Variants in DLGAP1 observed in about 807,000 individuals in gnomAD.
DLGAP1 encodes the protein DLG associated protein 1.
Under a neutral mutation model 90.8 loss-of-function variants are expected in DLGAP1, and 11 were observed. That is an observed-to-expected ratio of 0.12 (90% CI 0.08 to 0.20). The LOEUF is 0.20. DLGAP1 is among the 10% of genes least tolerant of loss of function. The pLI is 1.00. For synonymous variants in DLGAP1, 558 were observed against 540.7 expected (o/e 1.03, Z -0.44); for missense variants, 1,050 against 1,333.8 (o/e 0.79, Z 3.31).
chr18:3,939,132 G>T (rs1046635055), intron 3 of DLGAP1, among the ~76,000 whole-genome samples: 1 of 150,958 alleles, frequency 6.6e-6, no homozygotes, highest in Non-Finnish European at 1.5e-5. Context: ...AAAAATGTGG[G>T]CCAGTGGCTT....
chr18:3,529,742 C>T (rs1362843422), intron 10 of DLGAP1, among the ~76,000 whole-genome samples: 5 of 152,096 alleles, frequency 3.3e-5, no homozygotes, highest in East Asian at 3.9e-4. Flanking sequence ...AGCACCAGGG[C>T]GATACCCAGT....
In DLGAP1 at chr18:4,256,489, G is replaced by T. The variant is rs114188004; in HGVS notation, c.-266-105202C>A. 2.6e-3 allele frequency among the ~76,000 whole-genome samples: 398 copies of T among 152,212 alleles called. 2 individuals carry two copies. Among genetic ancestry groups the T allele is most frequent in the African/African-American group, 9.3e-3 (387 of 41,534 alleles). ...TAAACAGAATTTCTTTTACTCCACT[G>T]TGTTTTGTAAAATTTACTCAGACTT... On this transcript the variant is annotated intron_variant, in intron 1 of 12. Transcript: ENST00000315677.
intron 1 of DLGAP1, among the ~76,000 whole-genome samples, chr18:4,333,351 C>A (rs2080992412): frequency 6.6e-6 from 1 of 151,830 alleles, no homozygotes; most frequent in African/African-American, 2.4e-5. Context: ...GTACTGGGTA[C>A]TAAAAGCATC....
intron 2 of DLGAP1, among the ~76,000 whole-genome samples, chr18:4,095,699 T>C (rs2075665536): frequency 6.6e-6 from 1 of 151,856 alleles, no homozygotes; most frequent in Non-Finnish European, 1.5e-5. Context: ...TCTGTGGAAT[T>C]TGACATCAAC....
chr18:3,652,853 A>T (rs903428954), intron 7 of DLGAP1, among the ~76,000 whole-genome samples: 50 of 152,302 alleles, frequency 3.3e-4, no homozygotes, highest in African/African-American at 1.2e-3. Context: ...ATCACTGGCA[A>T]AGACTTGCAT....
intron 1 of DLGAP1, among the ~76,000 whole-genome samples, chr18:4,279,259 G>A (rs1431330655): frequency 6.6e-6 from 1 of 151,934 alleles, no homozygotes; most frequent in Admixed American, 6.6e-5. Flanking sequence ...ACAGGAAAGT[G>A]CATTCTAAAA....
At chr18:3,614,089 AG>A in intron 7 of DLGAP1, among the ~76,000 whole-genome samples, 1 of 151,868 alleles carries the variant, frequency 6.6e-6, no homozygotes, top group African/African-American at 2.4e-5. Context: ...ACCCGGCTAA[AG>A]TTTGTATTTT....
chr18:3,688,460 G>A (rs1350197668), intron 7 of DLGAP1, among the ~76,000 whole-genome samples: 2 of 151,930 alleles, frequency 1.3e-5, no homozygotes, highest in Admixed American at 1.3e-4. Flanking sequence ...TCAGTGAAAT[G>A]CTGAAAAATT....
chr18:3,557,192 T>C (rs2053803376), intron 9 of DLGAP1, among the ~76,000 whole-genome samples: 1 of 152,194 alleles, frequency 6.6e-6, no homozygotes, highest in Non-Finnish European at 1.5e-5. Flanking sequence ...ACTGTCCCTC[T>C]AACCACTGCT....
chr18:4,145,399 GATTT>G (rs1400257185), intron 2 of DLGAP1, among the ~76,000 whole-genome samples: 3 of 152,126 alleles, frequency 2.0e-5, no homozygotes, highest in Admixed American at 6.5e-5. Flanking sequence ...AACTTGAGAG[GATTT>G]ATAGAATATT....
intron 11 of DLGAP1, among the ~76,000 whole-genome samples, chr18:3,505,713 A>G (rs944281767): frequency 2.6e-5 from 4 of 151,490 alleles, no homozygotes; most frequent in Admixed American, 1.3e-4. Context: ...CCAGAAATCT[A>G]AACGCTTTCA....
intron 2 of DLGAP1, among the ~76,000 whole-genome samples, chr18:4,101,407 T>C (rs2075775833): frequency 6.6e-6 from 1 of 152,118 alleles, no homozygotes. Flanking sequence ...ACAATTATAA[T>C]AGTAGCATCA....
chr18:4,130,277 A>C (rs2076294047), intron 2 of DLGAP1, among the ~76,000 whole-genome samples: 1 of 152,198 alleles, frequency 6.6e-6, no homozygotes, highest in South Asian at 2.1e-4. Flanking sequence ...TTCCAGAGGC[A>C]CTGATGATAC....
intron 2 of DLGAP1, among the ~76,000 whole-genome samples, chr18:4,119,690 AG>A (rs2076122460): frequency 6.6e-6 from 1 of 152,178 alleles, no homozygotes; most frequent in South Asian, 2.1e-4. Context: ...ATTAGACAAA[AG>A]CACTCTTTAA....
chr18:4,387,518 A>G (rs1013051891), intron 1 of DLGAP1, among the ~76,000 whole-genome samples: 1 of 152,220 alleles, frequency 6.6e-6, no homozygotes, highest in African/African-American at 2.4e-5. Context: ...ACTTCTAATT[A>G]TGTCTCTTGC....
chr18:4,078,789 A>G (rs1441406484), intron 2 of DLGAP1, among the ~76,000 whole-genome samples: 2 of 152,142 alleles, frequency 1.3e-5, no homozygotes, highest in Admixed American at 6.5e-5. Context: ...GGATATATCA[A>G]TGAGTCCATG....
chr18:4,271,580 C>A (rs911892886), intron 1 of DLGAP1, among the ~76,000 whole-genome samples: 1 of 152,106 alleles, frequency 6.6e-6, no homozygotes, highest in Non-Finnish European at 1.5e-5. Context: ...ATATACTAAA[C>A]ATTATTTAAT....
intron 3 of DLGAP1, among the ~76,000 whole-genome samples, chr18:3,997,583 T>C (rs1259332107): frequency 6.6e-6 from 1 of 152,132 alleles, no homozygotes; most frequent in Admixed American, 6.5e-5. Context: ...AACATGTTCC[T>C]CTGTCCAGTG....
At chr18:3,678,968 GTTCTTC>G (rs1357243111) in intron 7 of DLGAP1, among the ~76,000 whole-genome samples, 1 of 152,078 alleles carries the variant, frequency 6.6e-6, no homozygotes, top group African/African-American at 2.4e-5. Flanking sequence ...ACTATCACTG[GTTCTTC>G]TTCTTCTTCT....
Sources: gnomAD v4.1 joint callset for allele counts (sites outside exome capture counted in the v4.1 genomes callset) on GRCh38, gnomAD v4.1.1 for gene constraint, MANE v1.5 for transcripts, NCBI Gene and HGNC (gene_info 2026-07-23, HGNC 2026-07-21) for gene names.